FHIP1A: variants seen among roughly 807,000 people sequenced by gnomAD.
FHIP1A encodes FHF complex subunit HOOK interacting protein 1A.
A neutral mutation model predicts 88.6 loss-of-function variants in FHIP1A; 61 were observed. That is an observed-to-expected ratio of 0.69 (90% CI 0.56 to 0.85). The LOEUF is 0.85. FHIP1A is among the 40% of genes least tolerant of loss of function. FHIP1A has a pLI of 0.00. For synonymous variants in FHIP1A, 478 were observed against 496.0 expected, an observed-to-expected ratio of 0.96 and a Z score of 0.48; for missense variants, 1,154 against 1,273.5, an observed-to-expected ratio of 0.91 and a Z score of 1.43.
intron 3 of FHIP1A, among the ~76,000 whole-genome samples, chr4:151,544,923 C>T (rs2126733482): frequency 6.6e-6 from 1 of 152,166 alleles, no homozygotes; most frequent in Admixed American, 6.5e-5. Flanking sequence ...CAAAAAAATA[C>T]AAAAATTAGC....
At chr4:151,552,677 G>A (rs1379365799) in intron 3 of FHIP1A, among the ~76,000 whole-genome samples, 7 of 152,022 alleles carry the variant, frequency 4.6e-5, no homozygotes, top group South Asian at 4.1e-4. Flanking sequence ...GCCTGTTGTC[G>A]GGTGGGAGGA....
chr4:151,475,275 A>G (rs1216251652), intron 2 of FHIP1A, among the ~76,000 whole-genome samples: 1 of 152,216 alleles, frequency 6.6e-6, no homozygotes, highest in African/African-American at 2.4e-5. Context: ...TGGAGCTTCA[A>G]TTCATGGGGA....
chr4:151,545,134 A>G (rs1452371527), intron 3 of FHIP1A, among the ~76,000 whole-genome samples: 1 of 152,168 alleles, frequency 6.6e-6, no homozygotes, highest in Non-Finnish European at 1.5e-5. Flanking sequence ...CCAAAAGAGC[A>G]GTTGGTTTCC....
chr4:151,570,327 G>A (rs1431753502), intron 4 of FHIP1A, among the ~76,000 whole-genome samples: 1 of 152,076 alleles, frequency 6.6e-6, no homozygotes, highest in African/African-American at 2.4e-5. Flanking sequence ...CCTTCTACAG[G>A]CCTCATTTGA....
intron 2 of FHIP1A, among the ~76,000 whole-genome samples, chr4:151,462,810 T>C (rs10454251): frequency 0.52 from 79,089 of 152,022 alleles, 20,872 homozygotes; most frequent in African/African-American, 0.55. Context: ...AAATGCAAGC[T>C]GGTTACTTTC....
chr4:151,504,372 C>A (rs1192803131), intron 3 of FHIP1A, among the ~76,000 whole-genome samples: 2 of 152,136 alleles, frequency 1.3e-5, no homozygotes, highest in Non-Finnish European at 2.9e-5. Context: ...CAGCATGGAA[C>A]ACTGGGCCCT....
intron 1 of FHIP1A, among the ~76,000 whole-genome samples, chr4:151,453,506 A>G (rs978904224): frequency 6.6e-6 from 1 of 152,248 alleles, no homozygotes; most frequent in Admixed American, 6.5e-5. Context: ...AGTTTATTGT[A>G]TGCATTAAAT....
intron 6 of FHIP1A, among the ~76,000 whole-genome samples, chr4:151,587,555 T>C (rs1365558974): frequency 6.6e-6 from 1 of 151,596 alleles, no homozygotes; most frequent in Non-Finnish European, 1.5e-5. Flanking sequence ...TTAGGATACA[T>C]GTGCACAACG....
chr4:151,571,469 G>C (rs944240605), intron 4 of FHIP1A, among the ~76,000 whole-genome samples: 3 of 152,110 alleles, frequency 2.0e-5, no homozygotes, highest in Non-Finnish European at 4.4e-5. Flanking sequence ...CATCTAGATT[G>C]GTTAATTAAG....
intron 3 of FHIP1A, among the ~76,000 whole-genome samples, chr4:151,564,463 G>A (rs904251387): frequency 6.6e-6 from 1 of 152,196 alleles, no homozygotes; most frequent in African/African-American, 2.4e-5. Context: ...ATGAGGTGAA[G>A]GTTCTGGCAG....
intron 3 of FHIP1A, among the ~76,000 whole-genome samples, chr4:151,498,055 A>AC (rs1209768396): frequency 1.3e-5 from 2 of 151,298 alleles, no homozygotes; most frequent in Admixed American, 6.6e-5. Context: ...CCATCCACTG[A>AC]CCCCCTCTCT....
At chr4:151,514,570 G>C (rs1731157617) in intron 3 of FHIP1A, among the ~76,000 whole-genome samples, 1 of 151,932 alleles carries the variant, frequency 6.6e-6, no homozygotes, top group Non-Finnish European at 1.5e-5. Context: ...GACTAATAAA[G>C]AAGAAAAGAG....
intron 1 of FHIP1A, among the ~76,000 whole-genome samples, chr4:151,419,251 C>T (rs1380960686): frequency 6.6e-6 from 1 of 152,112 alleles, no homozygotes; most frequent in Non-Finnish European, 1.5e-5. Context: ...AGAATTCACT[C>T]TCCTCTCTCT....
At position 151,549,489 on chromosome 4, in the gene FHIP1A, T is replaced by TA. The variant is rs57072592; in HGVS notation, c.-122-16627dup. ...CTGGGCGAGAGAGTGAGACTCTGTCTAAAAAAAAAAAAAAAAAAAAAATAG... is the reference window on the plus strand; with the variant it reads ...CTGGGCGAGAGAGTGAGACTCTGTCTAAAAAAAAAAAAAAAAAAAAAAATAG... On this transcript the variant is annotated intron_variant, in intron 3 of 13. Coordinates refer to ENST00000435205, the MANE Select transcript of FHIP1A (RefSeq NM_001109977.3). 8.4e-3 allele frequency among the ~76,000 whole-genome samples: 945 copies of TA among 112,666 alleles called. 8 individuals carry two copies. The highest frequency in any genetic ancestry group is 0.01 in the Non-Finnish European group (578 of 55,280). The allele number at this position is 112,666 out of a possible 152,430, so 73.9% of individuals were successfully genotyped here. A position where few individuals can be genotyped will look rare whatever the true frequency, so the allele number is the denominator to read the frequency against.
chr4:151,497,152 A>G (rs1730493033), intron 3 of FHIP1A, among the ~76,000 whole-genome samples: 1 of 152,194 alleles, frequency 6.6e-6, no homozygotes. Flanking sequence ...TTTCTAATGT[A>G]AAAACATACT....
chr4:151,437,177 G>A (rs1489939295), intron 1 of FHIP1A, among the ~76,000 whole-genome samples: 1 of 151,934 alleles, frequency 6.6e-6, no homozygotes, highest in East Asian at 1.9e-4. Context: ...TGTTTTGCAT[G>A]CAAAATAATG....
In FHIP1A at chr4:151,419,568, C is replaced by CTT. The variant is rs70941499; in HGVS notation, c.-356+10136_-356+10137dup. 2.8e-3 allele frequency among the ~76,000 whole-genome samples: 62 copies of CTT among 21,988 alleles called. 7 individuals are homozygous for CTT. Among genetic ancestry groups the CTT allele is most frequent in the Non-Finnish European group, 4.1e-3 (49 of 12,026 alleles). The allele number at this position is 21,988 out of a possible 152,430, so 14.4% of individuals were successfully genotyped here. A position where few individuals can be genotyped will look rare whatever the true frequency, so the allele number is the denominator to read the frequency against. On this transcript the variant is annotated intron_variant, in intron 1 of 13. Transcript: ENST00000435205. The stretch of plus-strand genomic sequence containing the variant: ...CTGCCATGCTGGTCTGTTCCTCATT[C>CTT]TTTTTTTTTTTTTTTTTTTTTTTTT...
intron 3 of FHIP1A, among the ~76,000 whole-genome samples, chr4:151,492,280 A>C (rs1351991066): frequency 2.6e-5 from 4 of 152,182 alleles, no homozygotes; most frequent in Non-Finnish European, 5.9e-5. Flanking sequence ...TAAATTTAAG[A>C]AAATTGAGCT....
chr4:151,553,253 C>A (rs1732815960), intron 3 of FHIP1A, among the ~76,000 whole-genome samples: 1 of 152,110 alleles, frequency 6.6e-6, no homozygotes, highest in Non-Finnish European at 1.5e-5. Flanking sequence ...TTTTATATTT[C>A]ATAAACAATT....
Sources: gnomAD v4.1 joint callset for allele counts (sites outside exome capture counted in the v4.1 genomes callset) on GRCh38, gnomAD v4.1.1 for gene constraint, MANE v1.5 for transcripts, NCBI Gene and HGNC (gene_info 2026-07-23, HGNC 2026-07-21) for gene names.